The following TRAP1 variants were observed in gnomAD, a reference collection of about 807,000 sequenced individuals.
TRAP1 encodes TNF receptor associated protein 1.
In TRAP1, 102 loss-of-function variants were observed where a neutral mutation model predicts 89.1. The ratio of observed to expected loss-of-function variants is 1.15; its 90% confidence interval spans 0.98 to 1.35. The LOEUF (loss-of-function observed/expected upper bound fraction) is 1.35. Among genes scored for constraint, TRAP1 ranks in the 40% most tolerant of loss-of-function variants. The pLI is 0.00. For missense variants in TRAP1, 1,256 were observed against 945.3 expected, an observed-to-expected ratio of 1.33 and a Z score of -4.31; for synonymous variants, 508 against 388.0, an observed-to-expected ratio of 1.31 and a Z score of -3.64.
intron 1 of TRAP1, among the ~76,000 whole-genome samples, chr16:3,692,485 G>A (rs1317485314): frequency 1.3e-5 from 2 of 149,752 alleles, no homozygotes; most frequent in African/African-American, 2.5e-5. Context: ...GCAGTGAGCC[G>A]AGATCGTGCC....
Position 3,671,787 on chromosome 16 carries a change from C to A in TRAP1, c.1170G>T (p.Val390=), listed in dbSNP as rs747879539. The change falls in exon 11 of 18, where the codon GTG becomes GTT. Residue 390 remains valine, a synonymous_variant. Coordinates refer to ENST00000246957, the MANE Select transcript of TRAP1 (RefSeq NM_016292.3). ...LPKWLRFIRG[V]VDSEDIPLNL... ...TCAGGGGAATGTCCTCACTGTCCAC[C>A]ACACCTGGGAGACACGGCAGTCAGC... The A allele has an allele frequency of 6.2e-7, 1 of 1,612,036 alleles. No homozygotes were observed. The highest frequency in any genetic ancestry group is 1.3e-5 in the African/African-American group (1 of 74,258).
At chr16:3,711,546 C>A (rs2051531465) in intron 1 of TRAP1, among the ~76,000 whole-genome samples, 1 of 151,970 alleles carries the variant, frequency 6.6e-6, no homozygotes, top group Admixed American at 6.6e-5. Flanking sequence ...TTGCAGTGAG[C>A]CGAGTTCGTG....
chr16:3,663,995 G>A (rs368865858), intron 13 of TRAP1: 4 of 372,112 alleles, frequency 1.1e-5, no homozygotes, highest in Non-Finnish European at 1.4e-5. Flanking sequence ...CCCAGGAGGC[G>A]GAAGTTGCAG....
chr16:3,690,201 G>A (rs1263533523), intron 2 of TRAP1, among the ~76,000 whole-genome samples: 2 of 152,004 alleles, frequency 1.3e-5, no homozygotes, highest in African/African-American at 4.8e-5. Flanking sequence ...GTAGAGAAAG[G>A]GTCTATCTTG....
intron 9 of TRAP1, among the ~76,000 whole-genome samples, chr16:3,673,793 T>C (rs540580960): frequency 5.3e-4 from 81 of 152,240 alleles, no homozygotes; most frequent in East Asian, 9.7e-4. Context: ...ACGGCAGGAT[T>C]TGCGGGAACT....
At chr16:3,695,664 C>T (rs577029555) in intron 1 of TRAP1, among the ~76,000 whole-genome samples, 1 of 152,238 alleles carries the variant, frequency 6.6e-6, no homozygotes, top group Non-Finnish European at 1.5e-5. Flanking sequence ...CATCACCACT[C>T]TGAAAGAAGA....
chr16:3,683,898 G>C (rs1015426659), intron 4 of TRAP1, among the ~76,000 whole-genome samples: 1 of 152,112 alleles, frequency 6.6e-6, no homozygotes. Flanking sequence ...AGGCGCGGTG[G>C]CTCCCGCCTG....
At chr16:3,686,295 G>C (rs2051137875) in intron 3 of TRAP1, among the ~76,000 whole-genome samples, 159 bp from the exon 4 acceptor site, 1 of 152,246 alleles carries the variant, frequency 6.6e-6, no homozygotes. Context: ...AGTTCCTCTG[G>C]GCCGGTCACA....
intron 1 of TRAP1, among the ~76,000 whole-genome samples, chr16:3,715,330 C>T (rs1368061133): frequency 7.9e-5 from 12 of 151,900 alleles, no homozygotes; most frequent in African/African-American, 2.7e-4. Context: ...CCCAGCTACT[C>T]GGGAGGCTGA....
At chr16:3,658,338 G>A (rs1207974630) in intron 17 of TRAP1, 108 bp from the exon 18 acceptor site, 27 of 882,748 alleles carry the variant, frequency 3.1e-5, no homozygotes, top group South Asian at 4.9e-5. Context: ...GCAGAGGCAC[G>A]ATCTCGGCTC....
intron 1 of TRAP1, among the ~76,000 whole-genome samples, chr16:3,716,202 C>T (rs182906123): frequency 1.3e-5 from 2 of 152,230 alleles, no homozygotes; most frequent in Admixed American, 6.5e-5. Context: ...TAAGATTCAG[C>T]GTTGAAGAAA....
At chr16:3,677,761 G>A in intron 5 of TRAP1, 103 bp from the exon 6 acceptor site, 1 of 1,347,330 alleles carries the variant, frequency 7.4e-7, no homozygotes, top group Non-Finnish European at 1.0e-6. Context: ...CCTTCATCCT[G>A]AAAACAGCCA....
intron 7 of TRAP1, 67 bp downstream of exon 7, chr16:3,675,969 G>C: frequency 1.2e-5 from 16 of 1,380,540 alleles, no homozygotes; most frequent in Admixed American, 1.9e-5. Context: ...GAAAATGCCT[G>C]CTGACCTGGT....
chr16:3,662,490 T>C (rs2151239595), intron 15 of TRAP1: 1 of 519,156 alleles, frequency 1.9e-6, no homozygotes, highest in South Asian at 1.9e-5. Context: ...GACAGGTTGG[T>C]GGGGGGAGTC....
At chr16:3,676,201 G>A (rs1596715442) in intron 6 of TRAP1, 56 bp from the exon 7 acceptor site, 1 of 1,487,300 alleles carries the variant, frequency 6.7e-7, no homozygotes, top group Non-Finnish European at 9.3e-7. Context: ...GACATACCCT[G>A]CATGGGACTC....
At chr16:3,705,383 T>C (rs1367589205) in intron 1 of TRAP1, among the ~76,000 whole-genome samples, 1 of 151,904 alleles carries the variant, frequency 6.6e-6, no homozygotes, top group East Asian at 1.9e-4. Flanking sequence ...ACAGAACATT[T>C]TTATCACCCC....
chr16:3,691,019 T>C (rs376066677), intron 1 of TRAP1, 34 bp from the exon 2 acceptor site: 41 of 1,430,160 alleles, frequency 2.9e-5, no homozygotes, highest in Non-Finnish European at 3.3e-5. Flanking sequence ...GAATGAGAAT[T>C]AGGAAGACAC....
chr16:3,698,445 G>A (rs2051319964), intron 1 of TRAP1, among the ~76,000 whole-genome samples: 1 of 151,802 alleles, frequency 6.6e-6, no homozygotes, highest in Admixed American at 6.6e-5. Flanking sequence ...CAAGACTACA[G>A]GCGCCCGCCA....
At chr16:3,675,470 G>C in intron 7 of TRAP1, 73 bp from the exon 8 acceptor site, 1 of 1,464,036 alleles carries the variant, frequency 6.8e-7, no homozygotes, top group Non-Finnish European at 9.5e-7. Context: ...AGCAGCTCCA[G>C]GATGAGCGCC....
Sources: allele counts gnomAD v4.1 joint callset (sites outside exome capture counted in the v4.1 genomes callset), GRCh38; gene constraint gnomAD v4.1.1; transcripts MANE v1.5; gene names NCBI Gene and HGNC (gene_info 2026-07-23, HGNC 2026-07-21).